AFF3: variants seen among roughly 807,000 people sequenced by gnomAD.
AFF3 encodes ALF transcription elongation factor 3, also known as AF4/FMR2 family member 3.
In AFF3, 32 loss-of-function variants were observed where a neutral mutation model predicts 129.7. The observed-to-expected ratio is 0.25, with a 90% CI of 0.19 to 0.33. AFF3 has a LOEUF of 0.33. Among genes scored for constraint, AFF3 ranks in the 10% least tolerant of loss-of-function variants. The pLI, the probability that AFF3 is intolerant of heterozygous loss-of-function variation, is 1.00. For synonymous variants in AFF3, 644 were observed against 635.4 expected, an observed-to-expected ratio of 1.01 and a Z score of -0.20; for missense variants, 1,373 against 1,592.0, an observed-to-expected ratio of 0.86 and a Z score of 2.34.
chr2:99,736,167 T>C (rs1680236286), intron 10 of AFF3, among the ~76,000 whole-genome samples: 1 of 152,190 alleles, frequency 6.6e-6, no homozygotes. Flanking sequence ...TATGTATCCT[T>C]ACTAATTTTT....
At chr2:99,567,851 T>A (rs1246831763) in intron 19 of AFF3, among the ~76,000 whole-genome samples, 1 of 152,088 alleles carries the variant, frequency 6.6e-6, no homozygotes, top group Non-Finnish European at 1.5e-5. Flanking sequence ...AGGCAGAAAA[T>A]CTCTTTCTCC....
intron 7 of AFF3, among the ~76,000 whole-genome samples, chr2:99,855,795 A>C (rs1049015667): frequency 6.6e-6 from 1 of 152,158 alleles, no homozygotes; most frequent in African/African-American, 2.4e-5. Flanking sequence ...GGAAGGAGGG[A>C]AAAAGGATAA....
At chr2:99,579,727 T>G (rs575267320) in intron 17 of AFF3, among the ~76,000 whole-genome samples, 2 of 136,334 alleles carry the variant, frequency 1.5e-5, no homozygotes, top group Non-Finnish European at 3.0e-5. Flanking sequence ...CAAATATATA[T>G]GTATACATAT....
At chr2:99,672,184 A>T (rs1249721160) in intron 12 of AFF3, among the ~76,000 whole-genome samples, 2 of 19,566 alleles carry the variant, frequency 1.0e-4, no homozygotes, top group Non-Finnish European at 7.7e-5. Flanking sequence ...CTTCTCACAC[A>T]CACACACACA....
At chr2:100,020,663 C>A (rs1046168964) in intron 4 of AFF3, among the ~76,000 whole-genome samples, 2 of 152,024 alleles carry the variant, frequency 1.3e-5, no homozygotes, top group East Asian at 3.9e-4. Flanking sequence ...TTTCCCATGC[C>A]CCCCATATCC....
intron 7 of AFF3, among the ~76,000 whole-genome samples, chr2:99,979,036 C>CAATGATCTCTTCAACTGAAGATATCAAT (rs1330628947): frequency 6.6e-6 from 1 of 151,778 alleles, no homozygotes; most frequent in Non-Finnish European, 1.5e-5. Context: ...AAGAGATCAA[C>CAATGATCTCTTCAACTGAAGATATCAAT]GCAATGATCT....
intron 8 of AFF3, among the ~76,000 whole-genome samples, chr2:99,759,343 A>G (rs1324106608): frequency 6.6e-6 from 1 of 152,230 alleles, no homozygotes. Context: ...TACTAGGCAT[A>G]ATCCCCAAAT....
At chr2:99,841,889 G>C (rs1000687058) in intron 7 of AFF3, among the ~76,000 whole-genome samples, 10 of 152,168 alleles carry the variant, frequency 6.6e-5, no homozygotes, top group African/African-American at 2.4e-4. Flanking sequence ...GAGGTAACTT[G>C]CATGCTCACA....
chr2:100,016,505 G>A (rs566735888), intron 4 of AFF3, among the ~76,000 whole-genome samples: 1,588 of 149,610 alleles, frequency 0.011, 47 homozygotes, highest in African/African-American at 0.036. Context: ...TGGTACTGGT[G>A]GTGATAGTGG....
intron 13 of AFF3, among the ~76,000 whole-genome samples, chr2:99,620,462 T>A (rs1369675517): frequency 1.3e-5 from 2 of 152,104 alleles, no homozygotes; most frequent in African/African-American, 4.8e-5. Context: ...GACCCCTGTT[T>A]CTGCAAAACC....
intron 7 of AFF3, among the ~76,000 whole-genome samples, chr2:99,929,164 C>T (rs1274019457): frequency 6.6e-6 from 1 of 152,066 alleles, no homozygotes; most frequent in African/African-American, 2.4e-5. Context: ...CCCGTCTCTA[C>T]TAAAAATACA....
chr2:99,686,359 C>T (rs1304674836), intron 11 of AFF3, among the ~76,000 whole-genome samples: 3 of 152,154 alleles, frequency 2.0e-5, no homozygotes, highest in African/African-American at 7.2e-5. Flanking sequence ...CTTTGAAAAC[C>T]CCTACCACTT....
intron 7 of AFF3, among the ~76,000 whole-genome samples, chr2:100,000,460 T>C (rs1681279074): frequency 6.6e-6 from 1 of 152,178 alleles, no homozygotes. Flanking sequence ...AAGATTTCAG[T>C]TATTTCTAAT....
At chr2:99,700,596 C>G (rs939101322) in intron 11 of AFF3, among the ~76,000 whole-genome samples, 1 of 152,212 alleles carries the variant, frequency 6.6e-6, no homozygotes, top group African/African-American at 2.4e-5. Flanking sequence ...TGGTTTATAT[C>G]TCTTATTAAA....
intron 7 of AFF3, among the ~76,000 whole-genome samples, chr2:99,896,254 T>C (rs957908685): frequency 3.9e-5 from 6 of 152,240 alleles, no homozygotes; most frequent in Middle Eastern, 3.4e-3. Flanking sequence ...TAAATTTGTA[T>C]GAAACTGTGT....
chr2:100,053,938 T>C (rs895820725), intron 4 of AFF3, among the ~76,000 whole-genome samples: 1 of 152,196 alleles, frequency 6.6e-6, no homozygotes, highest in Non-Finnish European at 1.5e-5. Context: ...CTCCTCTGTA[T>C]CTAGGCAATG....
At position 99,835,789 on chromosome 2, in the gene AFF3, T is replaced by C. The variant is rs77015699; in HGVS notation, c.921+1688A>G. ...CACATGCAGACTTCAGCCTTGCATA[T>C]GGACACAAATCTGTGATCCGGTGGG... On this transcript the variant is annotated intron_variant, in intron 8 of 24. Transcript: ENST00000672756. Among the ~76,000 whole-genome samples, 21 of 152,286 alleles carry C rather than the reference T, an allele frequency of 1.4e-4. No individual in the cohort carries two copies. In the East Asian group the frequency reaches 4.1e-3, roughly 29 times the overall value.
intron 7 of AFF3, among the ~76,000 whole-genome samples, chr2:99,935,861 C>CATCA (rs2106321415): frequency 6.6e-6 from 1 of 152,236 alleles, no homozygotes; most frequent in South Asian, 2.1e-4. Context: ...GAGAGTAAGA[C>CATCA]ATCAGAGTCC....
intron 22 of AFF3, among the ~76,000 whole-genome samples, chr2:99,557,500 T>C (rs1402093566): frequency 2.6e-5 from 4 of 152,242 alleles, no homozygotes; most frequent in Non-Finnish European, 5.9e-5. Flanking sequence ...TAAGAACTTG[T>C]ATCCCTTAAA....
Sources: gnomAD v4.1 joint callset for allele counts (sites outside exome capture counted in the v4.1 genomes callset) on GRCh38, gnomAD v4.1.1 for gene constraint, MANE v1.5 for transcripts, NCBI Gene and HGNC (gene_info 2026-07-23, HGNC 2026-07-21) for gene names.